SH3RF3: variants seen among roughly 807,000 people sequenced by gnomAD.
The protein encoded by SH3RF3 is SH3 domain containing ring finger 3.
In SH3RF3, 29 loss-of-function variants were observed where a neutral mutation model predicts 66.3. The ratio of observed to expected loss-of-function variants is 0.44; its 90% CI spans 0.33 to 0.60. The LOEUF is 0.60. SH3RF3 is among the 20% of genes least tolerant of loss of function. The probability of loss-of-function intolerance (pLI) is 0.04; values close to 1 mark genes in which losing one functional copy is unlikely to be tolerated. For missense variants in SH3RF3, 1,194 were observed against 1,190.9 expected, an observed-to-expected ratio of 1.00 and a Z score of -0.04; for synonymous variants, 583 against 532.0, an observed-to-expected ratio of 1.10 and a Z score of -1.32.
intron 1 of SH3RF3, among the ~76,000 whole-genome samples, chr2:109,202,375 G>A (rs543889436): frequency 6.6e-6 from 1 of 152,282 alleles, no homozygotes; most frequent in African/African-American, 2.4e-5. Flanking sequence ...CTCTGTTTGA[G>A]ATTTTGTGAA....
intron 1 of SH3RF3, among the ~76,000 whole-genome samples, chr2:109,231,523 CT>C (rs1679515701): frequency 6.6e-6 from 1 of 152,166 alleles, no homozygotes; most frequent in African/African-American, 2.4e-5. Context: ...AAATATCGTG[CT>C]CTGTTCATAG....
chr2:109,362,392 G>T (rs1683065308), intron 2 of SH3RF3, among the ~76,000 whole-genome samples: 1 of 152,128 alleles, frequency 6.6e-6, no homozygotes, highest in Admixed American at 6.5e-5. Context: ...TTCTATTATG[G>T]ATGTCTAATT....
chr2:109,366,245 C>T (rs1683148613), intron 2 of SH3RF3, among the ~76,000 whole-genome samples: 1 of 152,132 alleles, frequency 6.6e-6, no homozygotes, highest in South Asian at 2.1e-4. Flanking sequence ...GGGCACCATG[C>T]AAATGGGTTT....
At chr2:109,436,529 G>A (rs780086641) in intron 6 of SH3RF3, among the ~76,000 whole-genome samples, 4 of 152,234 alleles carry the variant, frequency 2.6e-5, no homozygotes, top group Admixed American at 1.3e-4. Context: ...GATGTGTCAA[G>A]GCCTCGCGGG....
intron 8 of SH3RF3, among the ~76,000 whole-genome samples, chr2:109,483,932 A>G (rs565942095): frequency 1.3e-5 from 2 of 152,156 alleles, no homozygotes; most frequent in East Asian, 3.9e-4. Flanking sequence ...ATGGCCTTCA[A>G]GCCCCCCACA....
chr2:109,233,494 G>A (rs1679568187), intron 1 of SH3RF3, among the ~76,000 whole-genome samples: 2 of 152,202 alleles, frequency 1.3e-5, no homozygotes, highest in South Asian at 4.1e-4. Context: ...GGTTTTATAG[G>A]TACAGGATGG....
In SH3RF3 at chr2:109,129,793, A is replaced by G. The variant is rs758405001; in HGVS notation, c.253A>G (p.Ile85Val). The stretch of plus-strand genomic sequence containing the variant: ...TTTCTGCCGCCGCTGCCTGGAGAGC[A>G]TCGTGTGCTCGCGCCACGAGCTGCG... ...HTFCRRCLESIVCSRHELRCP... is the reference protein window; with the variant it reads ...HTFCRRCLESVVCSRHELRCP... The change falls in exon 1 of 10, where the codon ATC becomes GTC. Residue 85 changes from isoleucine (I) to valine (V), a missense_variant. By Grantham distance (29) the Ile-to-Val change is conservative. Coordinates refer to ENST00000309415, the MANE Select transcript of SH3RF3 (RefSeq NM_001099289.3). The G allele has an allele frequency of 3.9e-6, 6 of 1,539,108 alleles. No individual in the cohort carries two copies. The Middle Eastern group carries it at 7.1e-4, about 183-fold the overall frequency.
chr2:109,285,094 C>T (rs1161667236), intron 1 of SH3RF3, among the ~76,000 whole-genome samples: 1 of 152,234 alleles, frequency 6.6e-6, no homozygotes, highest in Non-Finnish European at 1.5e-5. Flanking sequence ...GCAGCTGTCA[C>T]CCCTTAGCCC....
intron 1 of SH3RF3, among the ~76,000 whole-genome samples, chr2:109,169,394 A>T (rs1286924844): frequency 1.3e-5 from 2 of 152,104 alleles, no homozygotes; most frequent in African/African-American, 4.8e-5. Flanking sequence ...GATGGTGATG[A>T]TGTGGCTGAT....
chr2:109,264,755 C>T (rs1166216483), intron 1 of SH3RF3, among the ~76,000 whole-genome samples: 1 of 152,186 alleles, frequency 6.6e-6, no homozygotes, highest in Non-Finnish European at 1.5e-5. Context: ...GCCCACTGGG[C>T]GGGCATCTCA....
At chr2:109,388,514 T>C (rs1219783105) in intron 3 of SH3RF3, among the ~76,000 whole-genome samples, 1 of 152,174 alleles carries the variant, frequency 6.6e-6, no homozygotes, top group East Asian at 1.9e-4. Context: ...ACCCTGTGTC[T>C]GAAGTGTGAT....
intron 5 of SH3RF3, among the ~76,000 whole-genome samples, chr2:109,424,115 G>C (rs1408317204): frequency 6.6e-6 from 1 of 152,232 alleles, no homozygotes; most frequent in African/African-American, 2.4e-5. Context: ...CAGGCCCTGA[G>C]ATGGGGAGGT....
rs188698202 is a variant in SH3RF3, at chr2:109,441,607, A to G, written c.1828+4461A>G. On this transcript the variant is annotated intron_variant, in intron 7 of 9. Coordinates refer to ENST00000309415, the MANE Select transcript of SH3RF3 (RefSeq NM_001099289.3). The stretch of plus-strand genomic sequence containing the variant: ...TAATTGGAGGTCTCCAATGTAGAGG[A>G]GAGAGGTAGGACAGAAAAATGATTT... Among the ~76,000 whole-genome samples, 26 of 152,380 alleles carry G rather than the reference A, an allele frequency of 1.7e-4. 1 individual carries two copies. Among genetic ancestry groups the G allele is most frequent in the Admixed American group, 5.2e-4 (8 of 15,312 alleles).
At chr2:109,136,466 C>T (rs1397107185) in intron 1 of SH3RF3, among the ~76,000 whole-genome samples, 2 of 152,136 alleles carry the variant, frequency 1.3e-5, no homozygotes, top group Non-Finnish European at 2.9e-5. Context: ...TGCAGGCACC[C>T]CATAATGTGA....
chr2:109,384,215 GC>G (rs1448274859), intron 3 of SH3RF3, among the ~76,000 whole-genome samples: 1 of 152,222 alleles, frequency 6.6e-6, no homozygotes, highest in African/African-American at 2.4e-5. Flanking sequence ...CCCCGGGGAT[GC>G]AGCCTGAATG....
At chr2:109,304,109 A>G (rs894582761) in intron 1 of SH3RF3, among the ~76,000 whole-genome samples, 5 of 151,820 alleles carry the variant, frequency 3.3e-5, no homozygotes, top group Non-Finnish European at 7.4e-5. Context: ...CTCAAAAAAA[A>G]AAAAGAAAGA....
chr2:109,129,585 C>G lies in SH3RF3; in HGVS notation c.45C>G (p.Ala15=), dbSNP rs1338719720. ...ASWLCASKAA[A]AAAQSEGDED... is the part of the protein sequence containing the mutation. The stretch of plus-strand genomic sequence containing the variant: ...GGCTGTGCGCATCCAAGGCGGCCGC[C>G]GCTGCTGCGCAGAGCGAGGGCGACG... Residue 15 remains alanine (A), a synonymous_variant, in exon 1 of 10, where the codon GCC becomes GCG. Coordinates refer to ENST00000309415, the MANE Select transcript of SH3RF3 (RefSeq NM_001099289.3). 1.1e-5 allele frequency: 17 copies of G among 1,480,550 alleles called. No individual in the cohort carries two copies. The highest frequency in any genetic ancestry group is 2.3e-4 in the Middle Eastern group (1 of 4,418). 91.7% of individuals were successfully genotyped at this position (1,480,550 alleles called of 1,614,324 possible). A position where few individuals can be genotyped will look rare whatever the true frequency, so the allele number is the denominator to read the frequency against.
At chr2:109,188,641 C>CTGCATGCCGAGGGCTGGAA (rs1558947714) in intron 1 of SH3RF3, among the ~76,000 whole-genome samples, 6 of 152,198 alleles carry the variant, frequency 3.9e-5, no homozygotes, top group Non-Finnish European at 7.3e-5. Context: ...TCCACCTGGG[C>CTGCATGCCGAGGGCTGGAA]TGCATGCCGA....
chr2:109,432,692 G>C, intron 6 of SH3RF3, 21 bp downstream of exon 6: 1 of 1,602,910 alleles, frequency 6.2e-7, no homozygotes, highest in East Asian at 2.2e-5. Flanking sequence ...GGTGGTGGCA[G>C]CCTGGGCAAG....
Sources: gnomAD v4.1 joint callset for allele counts (sites outside exome capture counted in the v4.1 genomes callset) on GRCh38, gnomAD v4.1.1 for gene constraint, MANE v1.5 for transcripts, NCBI Gene and HGNC (gene_info 2026-07-23, HGNC 2026-07-21) for gene names.